TIMD4: variants seen among roughly 807,000 people sequenced by gnomAD.
TIMD4 encodes the protein T cell immunoglobulin and mucin domain containing 4.
In TIMD4, 31 loss-of-function variants were observed where a neutral mutation model predicts 41.2. The observed-to-expected ratio is 0.75, with a 90% CI of 0.57 to 1.01. The LOEUF is 1.01. TIMD4 is among the 50% of genes least tolerant of loss of function. The probability of loss-of-function intolerance (pLI) is 0.00; values close to 1 mark genes in which losing one functional copy is unlikely to be tolerated. For missense variants in TIMD4, 479 were observed against 472.5 expected, an observed-to-expected ratio of 1.01 and a Z score of -0.13; for synonymous variants, 204 against 177.1, an observed-to-expected ratio of 1.15 and a Z score of -1.21.
chr5:156,924,336 T>C (rs1345618), intron 6 of TIMD4: 86,208 of 344,270 alleles, frequency 0.25, 11,549 homozygotes, highest in Admixed American at 0.36. Context: ...TCAAGAGCTA[T>C]ATAAAAGTTG....
chr5:156,937,732 A>C (rs553111590), intron 5 of TIMD4, among the ~76,000 whole-genome samples: 1 of 152,360 alleles, frequency 6.6e-6, no homozygotes, highest in East Asian at 1.9e-4. Flanking sequence ...ATTCAATTCC[A>C]ATGTTATTAA....
intron 5 of TIMD4, among the ~76,000 whole-genome samples, chr5:156,945,625 T>A (rs1335943888): frequency 6.6e-6 from 1 of 151,954 alleles, no homozygotes; most frequent in Non-Finnish European, 1.5e-5. Flanking sequence ...AAGTAGGGAG[T>A]GAAAGAATTT....
At chr5:156,923,180 A>C (rs1759282683) in intron 6 of TIMD4, among the ~76,000 whole-genome samples, 2 of 130,952 alleles carry the variant, frequency 1.5e-5, no homozygotes, top group African/African-American at 2.9e-5. Flanking sequence ...ACAGAGTCTC[A>C]CTCTGTCAGC....
At chr5:156,936,031 G>A (rs1447129063) in intron 5 of TIMD4, among the ~76,000 whole-genome samples, 1 of 152,052 alleles carries the variant, frequency 6.6e-6, no homozygotes, top group Non-Finnish European at 1.5e-5. Flanking sequence ...TTGAACGCAG[G>A]AGTTCAAGAC....
intron 5 of TIMD4, among the ~76,000 whole-genome samples, chr5:156,929,566 CGA>C (rs59981044): frequency 0.033 from 4,947 of 152,114 alleles, 262 homozygotes; most frequent in African/African-American, 0.11. Context: ...CATGTGAAGA[CGA>C]GAGAGATGGG....
intron 5 of TIMD4, among the ~76,000 whole-genome samples, chr5:156,933,698 G>C (rs1759485537): frequency 6.6e-6 from 1 of 151,966 alleles, no homozygotes; most frequent in South Asian, 2.1e-4. Flanking sequence ...CTCCTGAGTG[G>C]CTGGGATTAC....
intron 5 of TIMD4, among the ~76,000 whole-genome samples, chr5:156,934,888 A>G (rs1759510709): frequency 1.3e-5 from 2 of 152,232 alleles, no homozygotes; most frequent in South Asian, 4.1e-4. Context: ...ATGTTGACTC[A>G]TCATTGAATT....
At position 156,963,142 on chromosome 5, in the gene TIMD4, C is replaced by T. The variant is rs763388453; in HGVS notation, c.57G>A (p.Leu19=). 14 of 1,614,046 alleles carry T rather than the reference C, an allele frequency of 8.7e-6. No individual in the cohort carries two copies. Among genetic ancestry groups the T allele is most frequent in the Non-Finnish European group, 1.1e-5 (13 of 1,179,936 alleles). ...WLMIEFWWLY[L]TPVTSETVVT... ...CATAGAAGGTTTCAGAACACTTACT[C>T]AGGTAAAGCCACCAAAACTCAATCA... The change falls in exon 1 of 9, where the codon CTG becomes CTA. Residue 19 remains leucine, a splice_region_variant and synonymous_variant. Coordinates refer to ENST00000274532, the MANE Select transcript of TIMD4 (RefSeq NM_138379.3).
chr5:156,926,134 C>T (rs539143117), intron 6 of TIMD4, 129 bp downstream of exon 6: 1 of 849,810 alleles, frequency 1.2e-6, no homozygotes, highest in South Asian at 1.6e-5. Context: ...AAATTTCTGG[C>T]ATCAAGTGAT....
rs1278478796 is a variant in TIMD4, at chr5:156,919,533, T to C, written c.1061A>G (p.Tyr354Cys). The C allele has an allele frequency of 2.5e-6, 4 of 1,613,702 alleles. No individual in the cohort carries two copies. The highest frequency in any genetic ancestry group is 1.1e-5 in the South Asian group (1 of 91,062). ...GAGGACATTTTTACTATCTCCAATG[T>C]AGTCTAGCCTGTAAACAGAAAAGAG... ...YCSQKHTRLD[Y>C]IGDSKNVLND... is the part of the protein sequence containing the mutation. The change falls in exon 9 of 9, where the codon TAC becomes TGC. Residue 354 changes from tyrosine to cysteine, a missense_variant. Coordinates refer to ENST00000274532, the MANE Select transcript of TIMD4 (RefSeq NM_138379.3).
At chr5:156,958,475 T>A (rs1035357678) in intron 1 of TIMD4, among the ~76,000 whole-genome samples, 1 of 152,026 alleles carries the variant, frequency 6.6e-6, no homozygotes, top group Non-Finnish European at 1.5e-5. Context: ...CCCATTAGAC[T>A]GGGAAAAGCT....
At chr5:156,924,673 TA>T (rs1759314148) in intron 6 of TIMD4, 1 of 174,136 alleles carries the variant, frequency 5.7e-6, no homozygotes. Context: ...GAGAACTTTC[TA>T]AAGCCAGGAA....
intron 1 of TIMD4, among the ~76,000 whole-genome samples, chr5:156,957,885 T>G (rs1266182159): frequency 6.6e-6 from 1 of 152,162 alleles, no homozygotes; most frequent in Non-Finnish European, 1.5e-5. Flanking sequence ...ATTTGGTAAA[T>G]TAATAAAACA....
At chr5:156,957,828 A>G (rs1292757023) in intron 1 of TIMD4, among the ~76,000 whole-genome samples, 1 of 152,160 alleles carries the variant, frequency 6.6e-6, no homozygotes, top group African/African-American at 2.4e-5. Flanking sequence ...ACTGCCTCAA[A>G]TTCAAGAAAG....
chr5:156,958,046 G>A (rs1760006627), intron 1 of TIMD4, among the ~76,000 whole-genome samples: 1 of 152,040 alleles, frequency 6.6e-6, no homozygotes, highest in Non-Finnish European at 1.5e-5. Flanking sequence ...GGCGGAGGCA[G>A]GCAGATCATG....
At position 156,954,637 on chromosome 5, in the gene TIMD4, G is replaced by C. The variant is rs1413900900; in HGVS notation, c.178C>G (p.Pro60Ala). The C allele has an allele frequency of 6.2e-7, 1 of 1,614,230 alleles. No homozygotes were observed. Among genetic ancestry groups the C allele is most frequent in the Non-Finnish European group, 8.5e-7 (1 of 1,180,042 alleles). ...AGCGCCTCCTTGCAACCGGAGTAGG[G>C]GCACTGGTCTTTCCCCCAGCACATG... ...NSMCWGKDQC[P>A]YSGCKEALIR... The change falls in exon 2 of 9, where the codon CCC becomes GCC. Residue 60 changes from proline to alanine, a missense_variant. Pro to Ala is a conservative substitution (Grantham distance 27, BLOSUM62 -1). Transcript: ENST00000274532.
rs1471850188 is a variant in TIMD4 at position 156,922,177 on chromosome 5, T to C, written c.934A>G (p.Ile312Val). The part of the protein sequence containing the change: ...IPMSMKNEMP[I>V]SQLLMIIAPS... ...GCGATGATCATCAGTAGTTGGGAGA[T>C]GGGCATTTCATTCTTCATTGACATG... Residue 312 changes from isoleucine (I) to valine (V), a missense_variant, in exon 7 of 9, where the codon ATC becomes GTC. Transcript: ENST00000274532. 6.2e-7 allele frequency: 1 copy of C among 1,614,076 alleles called. No individual in the cohort carries two copies.
At chr5:156,954,820 T>C in intron 1 of TIMD4, 64 bp from the exon 2 acceptor site, 2 of 1,355,108 alleles carry the variant, frequency 1.5e-6, no homozygotes, top group Non-Finnish European at 2.0e-6. Context: ...TGCTACACAG[T>C]TTTTGTGCTA....
At chr5:156,926,424 T>A in intron 5 of TIMD4, 112 bp from the exon 6 acceptor site, 1 of 1,044,424 alleles carries the variant, frequency 9.6e-7, no homozygotes, top group Non-Finnish European at 1.4e-6. Flanking sequence ...TGTGTTTAAT[T>A]ATTTAATCCC....
Sources: allele counts gnomAD v4.1 joint callset (sites outside exome capture counted in the v4.1 genomes callset), GRCh38; gene constraint gnomAD v4.1.1; transcripts MANE v1.5; gene names NCBI Gene and HGNC (gene_info 2026-07-23, HGNC 2026-07-21).